RBM26: variants seen among roughly 807,000 people sequenced by gnomAD.
The protein encoded by RBM26 is RNA-binding protein 26.
Under a neutral mutation model 123.6 loss-of-function variants are expected in RBM26, and 30 were observed. That is an observed-to-expected ratio of 0.24 (90% confidence interval 0.18 to 0.33). RBM26 has a LOEUF of 0.33. Ranked by LOEUF, RBM26 falls within the 10% of genes least tolerant of loss-of-function variation. RBM26 has a pLI of 1.00. For missense variants in RBM26, 947 were observed against 1,203.6 expected (o/e 0.79, Z 3.15); for synonymous variants, 400 against 404.4 (o/e 0.99, Z 0.13).
intron 9 of RBM26, among the ~76,000 whole-genome samples, chr13:79,360,765 T>A (rs1044344037): frequency 6.6e-6 from 1 of 152,282 alleles, no homozygotes; most frequent in Admixed American, 6.5e-5. Context: ...AAAAGTCTGT[T>A]ACTTTCAACA....
At chr13:79,375,060 T>TGA (rs1365519035) in intron 3 of RBM26, among the ~76,000 whole-genome samples, 1 of 141,492 alleles carries the variant, frequency 7.1e-6, no homozygotes, top group Non-Finnish European at 1.5e-5. Context: ...TATATTTATA[T>TGA]TTTTATATAT....
At chr13:79,387,142 A>C (rs926735568) in intron 1 of RBM26, among the ~76,000 whole-genome samples, 9 of 152,152 alleles carry the variant, frequency 5.9e-5, no homozygotes, top group African/African-American at 2.2e-4. Context: ...TCTTAAGACT[A>C]AGCAAACTAA....
intron 14 of RBM26, among the ~76,000 whole-genome samples, chr13:79,350,599 G>A (rs531224103): frequency 3.3e-5 from 5 of 152,226 alleles, no homozygotes; most frequent in African/African-American, 1.2e-4. Context: ...TCAGGATAAA[G>A]AATAATCACT....
downstream of RBM26, among the ~76,000 whole-genome samples, chr13:79,316,759 C>T (rs191631831): frequency 6.6e-6 from 1 of 151,856 alleles, no homozygotes; most frequent in East Asian, 1.9e-4. Context: ...AAAACGACAA[C>T]TCAACCATCC....
In RBM26 at chr13:79,405,910, C is replaced by G. The variant is rs1485643380; in HGVS notation, c.-136G>C. 13 of 391,320 alleles carry G rather than the reference C, an allele frequency of 3.3e-5. 1 individual carries two copies. In the Admixed American group the frequency reaches 6.2e-4, roughly 19 times the overall value. The allele number at this position is 391,320 out of a possible 1,614,324, so 24.2% of individuals were successfully genotyped here. A position where few individuals can be genotyped will look rare whatever the true frequency, so the allele number is the denominator to read the frequency against. ...GGGAGGCGCCGGTGGCAGGTTCCCG[C>G]GGGCCCCGGTCGGCGAACAGCTCTG... On this transcript the variant is annotated 5_prime_UTR_variant, in exon 1 of 22. Transcript: ENST00000438737.
intron 1 of RBM26, among the ~76,000 whole-genome samples, chr13:79,401,003 T>C (rs899295582): frequency 1.3e-5 from 2 of 152,202 alleles, no homozygotes; most frequent in African/African-American, 4.8e-5. Context: ...TTTGTTTTGT[T>C]TTTTGCTATT....
At chr13:79,345,469 A>T (rs1233704105) in intron 14 of RBM26, among the ~76,000 whole-genome samples, 1 of 152,068 alleles carries the variant, frequency 6.6e-6, no homozygotes, top group Non-Finnish European at 1.5e-5. Flanking sequence ...CGACCTGATA[A>T]TATATTAATT....
At position 79,381,186 on chromosome 13, in the gene RBM26, G is replaced by C. The variant is rs116462636; in HGVS notation, c.72-2279C>G. 3.9e-3 allele frequency among the ~76,000 whole-genome samples: 600 copies of C among 152,080 alleles called. 7 individuals carry two copies. Among genetic ancestry groups the C allele is most frequent in the African/African-American group, 0.014 (580 of 41,510 alleles). On this transcript the variant is annotated intron_variant, in intron 1 of 21. Transcript: ENST00000438737. ...CTGAGGTTCAGAGAAAAGCTAAGTA[G>C]ACTTCCCAAGACTACACAGCAAGGA...
rs546040638 is a variant in RBM26 at position 79,348,817 on chromosome 13, AAAGTT to A, written c.2059-4028_2059-4024del. On this transcript the variant is annotated intron_variant, in intron 14 of 21. Coordinates refer to ENST00000438737, the MANE Select transcript of RBM26 (RefSeq NM_001366735.2). Reference sequence around the variant, plus strand: ...GGTGAGAAGAATGGGATTTTGGTTTAAAGTTAAGTTTATACATACTTTTAGATATT... The same window carrying A: ...GGTGAGAAGAATGGGATTTTGGTTTAAAGTTTATACATACTTTTAGATATT... Among the ~76,000 whole-genome samples the A allele has an allele frequency of 2.2e-3, 341 of 152,332 alleles. 2 individuals carry two copies. The highest frequency in any genetic ancestry group is 7.6e-3 in the African/African-American group (317 of 41,596).
chr13:79,350,316 C>T (rs1193212747), intron 14 of RBM26, among the ~76,000 whole-genome samples: 2 of 152,140 alleles, frequency 1.3e-5, no homozygotes, highest in East Asian at 1.9e-4. Flanking sequence ...AAATATTCCA[C>T]TGGTTACGCA....
chr13:79,391,719 C>T (rs1268636642), intron 1 of RBM26, among the ~76,000 whole-genome samples: 3 of 152,070 alleles, frequency 2.0e-5, no homozygotes, highest in African/African-American at 7.2e-5. Context: ...CCACCGCACC[C>T]AGCCGAAGCA....
At chr13:79,353,780 C>T (rs974953852) in intron 13 of RBM26, among the ~76,000 whole-genome samples, 4 of 152,068 alleles carry the variant, frequency 2.6e-5, no homozygotes, top group African/African-American at 9.7e-5. Context: ...ACACTACATC[C>T]TAACTCTATT....
intron 1 of RBM26, among the ~76,000 whole-genome samples, chr13:79,384,203 T>C (rs1031428520): frequency 6.6e-6 from 1 of 152,136 alleles, no homozygotes; most frequent in African/African-American, 2.4e-5. Flanking sequence ...TAAAACTTTG[T>C]CAATTCCTGA....
chr13:79,341,370 A>T, intron 17 of RBM26, 143 bp from the exon 18 acceptor site: 1 of 476,880 alleles, frequency 2.1e-6, no homozygotes, highest in South Asian at 3.8e-5. Context: ...AAGCCAAAAT[A>T]CTCCACACCT....
At chr13:79,353,484 C>T (rs955774659) in intron 13 of RBM26, among the ~76,000 whole-genome samples, 8 of 152,154 alleles carry the variant, frequency 5.3e-5, no homozygotes, top group African/African-American at 1.9e-4. Context: ...GTCCCTGCCA[C>T]TGACACAGAA....
At chr13:79,342,225 T>TG (rs1157963528) in intron 17 of RBM26, among the ~76,000 whole-genome samples, 1 of 151,842 alleles carries the variant, frequency 6.6e-6, no homozygotes, top group African/African-American at 2.4e-5. Flanking sequence ...CCCTGTTTTT[T>TG]TCTTAATCAC....
rs1160447659 is a variant in RBM26 at position 79,319,832 on chromosome 13, G to A, written c.*789C>T. The A allele has an allele frequency of 3.7e-5, 36 of 979,770 alleles. No individual in the cohort carries two copies. The highest frequency in any genetic ancestry group is 4.2e-5 in the Non-Finnish European group (35 of 825,752). The allele number at this position is 979,770 out of a possible 1,614,324, so 60.7% of individuals were successfully genotyped here. The stretch of plus-strand genomic sequence containing the variant: ...TATTAAGAATAAGTTAGTGATTATA[G>A]CTCCTTTTGTGATAATTGGGGGGAA... On this transcript the variant is annotated 3_prime_UTR_variant, in exon 22 of 22. Coordinates refer to ENST00000438737, the MANE Select transcript of RBM26 (RefSeq NM_001366735.2).
In RBM26 at chr13:79,369,114, A is replaced by C. The variant is rs2075625370; in HGVS notation, c.635-124T>G. On this transcript the variant is annotated intron_variant, in intron 5 of 21. Coordinates refer to ENST00000438737, the MANE Select transcript of RBM26 (RefSeq NM_001366735.2). ...AAATTTTAAATTTTGCATAATAATC[A>C]TTTTCTTTTAAAAAATATTCAATTA... 5 of 529,698 alleles carry C rather than the reference A, an allele frequency of 9.4e-6. No homozygotes were observed. The South Asian group carries it at 2.4e-4, about 26-fold the overall frequency. The allele number at this position is 529,698 out of a possible 1,614,324, so 32.8% of individuals were successfully genotyped here. A position where few individuals can be genotyped will look rare whatever the true frequency, so the allele number is the denominator to read the frequency against.
intron 3 of RBM26, among the ~76,000 whole-genome samples, chr13:79,375,094 A>ATTTATATATCATATAAATATATATT (rs1555332817): frequency 2.0e-4 from 18 of 90,468 alleles, no homozygotes; most frequent in Admixed American, 6.8e-4. Context: ...ATAAATATAT[A>ATTTATATATCATATAAATATATATT]TTTATATATA....
Sources: gnomAD v4.1 joint callset for allele counts (sites outside exome capture counted in the v4.1 genomes callset) on GRCh38, gnomAD v4.1.1 for gene constraint, MANE v1.5 for transcripts, NCBI Gene and HGNC (gene_info 2026-07-23, HGNC 2026-07-21) for gene names.